Variants in CAMTA1 observed in about 807,000 individuals in gnomAD.
The protein encoded by CAMTA1 is calmodulin binding transcription activator 1.
A neutral mutation model predicts 170.9 loss-of-function variants in CAMTA1; 27 were observed. The ratio of observed to expected loss-of-function variants is 0.16; its 90% CI spans 0.12 to 0.22. The LOEUF (loss-of-function observed/expected upper bound fraction) is 0.22. CAMTA1 is among the 10% of genes least tolerant of loss of function. The pLI is 1.00. For missense variants in CAMTA1, 1,619 were observed against 2,217.2 expected, an observed-to-expected ratio of 0.73 and a Z score of 5.42; for synonymous variants, 833 against 891.5, an observed-to-expected ratio of 0.93 and a Z score of 1.17.
intron 11 of CAMTA1, among the ~76,000 whole-genome samples, chr1:7,715,977 A>T (rs953084498): frequency 6.6e-6 from 1 of 152,250 alleles, no homozygotes; most frequent in Non-Finnish European, 1.5e-5. Flanking sequence ...TTGACTTTTT[A>T]AAAATATCAT....
chr1:7,257,331 A>T (rs1229509139), intron 5 of CAMTA1, among the ~76,000 whole-genome samples: 2 of 152,208 alleles, frequency 1.3e-5, no homozygotes, highest in Admixed American at 1.3e-4. Flanking sequence ...TGCAAGACAA[A>T]GACACAGCAG....
chr1:7,503,336 T>C (rs1292067340), intron 6 of CAMTA1, among the ~76,000 whole-genome samples: 1 of 152,190 alleles, frequency 6.6e-6, no homozygotes, highest in Non-Finnish European at 1.5e-5. Flanking sequence ...GAGGGTGTGC[T>C]TCAGAAGGTG....
intron 5 of CAMTA1, among the ~76,000 whole-genome samples, chr1:7,303,066 T>C (rs1220226189): frequency 6.6e-6 from 1 of 152,192 alleles, no homozygotes; most frequent in East Asian, 1.9e-4. Flanking sequence ...TTCCTCTTGG[T>C]GCTGCTGGGA....
chr1:6,786,690 C>A (rs931936766), intron 1 of CAMTA1, among the ~76,000 whole-genome samples: 1 of 152,138 alleles, frequency 6.6e-6, no homozygotes, highest in Non-Finnish European at 1.5e-5. Flanking sequence ...AGTTGCCCTC[C>A]TTTTCTTATG....
chr1:7,184,445 C>A (rs1405628790), intron 4 of CAMTA1, among the ~76,000 whole-genome samples: 1 of 152,132 alleles, frequency 6.6e-6, no homozygotes, highest in Non-Finnish European at 1.5e-5. Flanking sequence ...GTGATTTTTA[C>A]ACATTGCATG....
intron 6 of CAMTA1, among the ~76,000 whole-genome samples, chr1:7,524,606 G>A (rs1272924259): frequency 6.6e-6 from 1 of 152,092 alleles, no homozygotes; most frequent in African/African-American, 2.4e-5. Context: ...TGAGCCAGAG[G>A]GATTTTGTAG....
At chr1:7,608,815 G>A (rs2095504001) in intron 6 of CAMTA1, among the ~76,000 whole-genome samples, 1 of 152,126 alleles carries the variant, frequency 6.6e-6, no homozygotes, top group Non-Finnish European at 1.5e-5. Flanking sequence ...AAGCGTGGGA[G>A]GGCCCCAGGG....
intron 5 of CAMTA1, among the ~76,000 whole-genome samples, chr1:7,316,268 G>A (rs572038162): frequency 5.3e-5 from 8 of 152,270 alleles, no homozygotes; most frequent in African/African-American, 9.6e-5. Flanking sequence ...GTCTTCACAT[G>A]GCCTCTTCTA....
chr1:7,003,173 A>T (rs934922201), intron 3 of CAMTA1, among the ~76,000 whole-genome samples: 1 of 152,230 alleles, frequency 6.6e-6, no homozygotes, highest in Admixed American at 6.5e-5. Flanking sequence ...GTTTCTAGGC[A>T]TTGCCAATCT....
At chr1:7,491,674 G>A (rs891824484) in intron 6 of CAMTA1, among the ~76,000 whole-genome samples, 1 of 152,148 alleles carries the variant, frequency 6.6e-6, no homozygotes, top group African/African-American at 2.4e-5. Flanking sequence ...AAAGGAAATG[G>A]TATTTAAAAT....
intron 3 of CAMTA1, among the ~76,000 whole-genome samples, chr1:6,931,336 T>C (rs1363327951): frequency 6.6e-6 from 1 of 152,078 alleles, no homozygotes; most frequent in African/African-American, 2.4e-5. Context: ...GGAAGGTGAA[T>C]AGAATCAGAG....
At chr1:6,953,996 C>T (rs1688999390) in intron 3 of CAMTA1, among the ~76,000 whole-genome samples, 1 of 152,142 alleles carries the variant, frequency 6.6e-6, no homozygotes, top group South Asian at 2.1e-4. Flanking sequence ...GGGCTTGGGT[C>T]CTTGGGGAGG....
At position 7,195,639 on chromosome 1, in the gene CAMTA1, A is replaced by C. The variant is rs549214712; in HGVS notation, c.303-53852A>C. ...AGGTGCCCGCACTGCTCCTGAGACCACTCTGACCCCATGAGGAGGTTGGCT... is the reference window on the plus strand; with the variant it reads ...AGGTGCCCGCACTGCTCCTGAGACCCCTCTGACCCCATGAGGAGGTTGGCT... On this transcript the variant is annotated intron_variant, in intron 4 of 22. Coordinates refer to ENST00000303635, the MANE Select transcript of CAMTA1 (RefSeq NM_015215.4). The surrounding 1 kb of genome is among the most constrained non-coding windows in gnomAD (Gnocchi z 4.1). Among the ~76,000 whole-genome samples the C allele has an allele frequency of 3.6e-4, 54 of 152,074 alleles. 1 individual carries two copies. The South Asian group carries it at 6.0e-3, about 17-fold the overall frequency.
rs1021776413 is a variant in CAMTA1 at position 7,547,289 on chromosome 1, A to G, written c.510+79388A>G. Among the ~76,000 whole-genome samples the G allele has an allele frequency of 6.6e-6, 1 of 151,574 alleles. No homozygotes were observed. Among genetic ancestry groups the G allele is most frequent in the African/African-American group, 2.4e-5 (1 of 41,248 alleles). On this transcript the variant is annotated intron_variant, in intron 6 of 22. Coordinates refer to ENST00000303635, the MANE Select transcript of CAMTA1 (RefSeq NM_015215.4). This position sits in a 1 kb window ranked among gnomAD's most constrained non-coding sequence, Gnocchi z 5.7. ...TAGAAGCCAAGATCTGGGCCTGAGTATGCTCACTGCTCCCAGGCCTCTCTC... is the reference window on the plus strand; with the variant it reads ...TAGAAGCCAAGATCTGGGCCTGAGTGTGCTCACTGCTCCCAGGCCTCTCTC...
At chr1:7,453,098 G>A (rs2092867935) in intron 5 of CAMTA1, among the ~76,000 whole-genome samples, 1 of 152,228 alleles carries the variant, frequency 6.6e-6, no homozygotes, top group African/African-American at 2.4e-5. Flanking sequence ...GGGACAGGAG[G>A]ACCCTAGGGG....
Position 7,482,954 on chromosome 1 carries a change from T to C in CAMTA1, c.510+15053T>C, listed in dbSNP as rs1302028565. 6.6e-6 allele frequency among the ~76,000 whole-genome samples: 1 copy of C among 152,094 alleles called. No individual in the cohort carries two copies. The highest frequency in any genetic ancestry group is 6.5e-5 in the Admixed American group (1 of 15,284). On this transcript the variant is annotated intron_variant, in intron 6 of 22. Transcript: ENST00000303635. The surrounding 1 kb of genome is among the most constrained non-coding windows in gnomAD (Gnocchi z 4.2). ...GTAAATGTGCCCAGGCCCCACCCCA[T>C]GTCATCCCAGGGTGAGCCTGGAGCC...
chr1:6,985,225 C>G (rs991363353), intron 3 of CAMTA1, among the ~76,000 whole-genome samples: 1 of 152,210 alleles, frequency 6.6e-6, no homozygotes, highest in African/African-American at 2.4e-5. Flanking sequence ...GCAGCTGTAG[C>G]TACGGGGGCC....
intron 3 of CAMTA1, among the ~76,000 whole-genome samples, chr1:6,986,257 G>A (rs1695341532): frequency 6.6e-6 from 1 of 152,202 alleles, no homozygotes; most frequent in Non-Finnish European, 1.5e-5. Context: ...AGTGGGGCGA[G>A]GCAGCTCTGA....
intron 3 of CAMTA1, among the ~76,000 whole-genome samples, chr1:7,043,853 C>T (rs1025936235): frequency 6.6e-6 from 1 of 152,208 alleles, no homozygotes; most frequent in Non-Finnish European, 1.5e-5. Flanking sequence ...ACTGGTTTCT[C>T]TTCCAGCTCT....
Sources: allele counts gnomAD v4.1 joint callset (sites outside exome capture counted in the v4.1 genomes callset), GRCh38; gene constraint gnomAD v4.1.1; non-coding constraint Gnocchi (gnomAD v3.1); transcripts MANE v1.5; gene names NCBI Gene and HGNC (gene_info 2026-07-23, HGNC 2026-07-21).